Variants in PLEKHG4B observed in about 807,000 individuals in gnomAD.
PLEKHG4B encodes the protein pleckstrin homology and RhoGEF domain containing G4B.
Under a neutral mutation model 121.3 loss-of-function variants are expected in PLEKHG4B, and 111 were observed. That is an observed-to-expected ratio of 0.92 (90% CI 0.78 to 1.07). The LOEUF (loss-of-function observed/expected upper bound fraction) is 1.07. Among genes scored for constraint, PLEKHG4B ranks in the 50% least tolerant of loss-of-function variants. The pLI is 0.00. For synonymous variants in PLEKHG4B, 738 were observed against 725.0 expected (o/e 1.02, Z -0.29); for missense variants, 1,831 against 1,757.8 (o/e 1.04, Z -0.74).
chr5:105,455 A>G (rs1051233948), intron 1 of PLEKHG4B, among the ~76,000 whole-genome samples: 29 of 152,398 alleles, frequency 1.9e-4, no homozygotes, highest in Admixed American at 8.5e-4. Flanking sequence ...TGTCAGATCT[A>G]CAATTTAGAA....
In PLEKHG4B at chr5:171,065, TG is replaced by T. The variant is rs1362741001; in HGVS notation, c.3753del (p.Ile1252SerfsTer28). The T allele has an allele frequency of 1.2e-6, 2 of 1,612,796 alleles. No homozygotes were observed. Among genetic ancestry groups the T allele is most frequent in the Non-Finnish European group, 1.7e-6 (2 of 1,179,772 alleles). On this transcript the variant is annotated frameshift_variant, in exon 15 of 20. Transcript: ENST00000637938. LOFTEE classifies it high-confidence loss of function. ...CAGGAAGAGCAGTTTGGGATGTACG[TG>T]ATCTACAGCAAAAACAAGCCGCAGT... ...LRHEEQFGMYVIYSKNKPQSD... is the reference protein window; with the variant it reads ...LRHEEQFGMYXIYSKNKPQSD...
chr5:154,889 C>T lies in PLEKHG4B; in HGVS notation c.2007C>T (p.Ser669=). The T allele has an allele frequency of 6.2e-7, 1 of 1,613,856 alleles. No homozygotes were observed. The highest frequency in any genetic ancestry group is 1.7e-5 in the Admixed American group (1 of 60,020). The part of the protein sequence containing the change: ...KDAIIQCEVV[S]SLKAVHKFVD... ...CTTCTTGGCAGTGTGAGGTCGTGAG[C>T]TCCCTGAAGGCCGTGCACAAATTTG... The change falls in exon 8 of 20, where the codon AGC becomes AGT. Residue 669 remains serine (S), a synonymous_variant. Transcript: ENST00000637938.
rs1028447074 is a variant in PLEKHG4B, at chr5:154,865, T to C, written c.1993-10T>C. On this transcript the variant is annotated splice_polypyrimidine_tract_variant and intron_variant, in intron 7 of 19. Transcript: ENST00000637938. ...TGGAGCCATGACCAACGAGTGCCTC[T>C]TCTTGGCAGTGTGAGGTCGTGAGCT... The C allele has an allele frequency of 2.5e-6, 4 of 1,610,678 alleles. No individual in the cohort carries two copies. Among genetic ancestry groups the C allele is most frequent in the Non-Finnish European group, 2.5e-6 (3 of 1,177,206 alleles).
chr5:118,597 T>C (rs1023981915), intron 2 of PLEKHG4B, among the ~76,000 whole-genome samples: 1 of 152,134 alleles, frequency 6.6e-6, no homozygotes, highest in African/African-American at 2.4e-5. Context: ...TTCATGAGGG[T>C]TGGAATCAAC....
chr5:139,159 A>T lies in PLEKHG4B; in HGVS notation c.244-324A>T, dbSNP rs1038478259. Among the ~76,000 whole-genome samples, 4 of 152,032 alleles carry T rather than the reference A, an allele frequency of 2.6e-5. No individual in the cohort carries two copies. The South Asian group carries it at 8.3e-4, about 32-fold the overall frequency. ...CAGGCTGGGACCACTCTGAGGGACA[A>T]CTCATCCTTCGGAGCGCCTGGTGGG... On this transcript the variant is annotated intron_variant, in intron 2 of 19. Coordinates refer to ENST00000637938, the MANE Select transcript of PLEKHG4B (RefSeq NM_052909.5). This position sits in a 1 kb window ranked among gnomAD's most constrained non-coding sequence, Gnocchi z 5.0.
At chr5:146,180 C>T (rs1417766022) in intron 6 of PLEKHG4B, among the ~76,000 whole-genome samples, 2 of 146,228 alleles carry the variant, frequency 1.4e-5, no homozygotes, top group East Asian at 2.1e-4. Flanking sequence ...GCCCTCCCTC[C>T]TCTTCCTTTC....
Position 113,470 on chromosome 5 carries a change from C to T in PLEKHG4B, c.243+22C>T. The T allele has an allele frequency of 2.5e-6, 1 of 399,066 alleles. No individual in the cohort carries two copies. 24.7% of individuals were successfully genotyped at this position (399,066 alleles called of 1,614,324 possible). ...CTGTGTGAGTACCTCCCTTGTAGCT[C>T]TGAGACCGTGGCCAACCTGGAGGAA... On this transcript the variant is annotated intron_variant, in intron 2 of 19. Transcript: ENST00000637938. This position sits in a 1 kb window ranked among gnomAD's most constrained non-coding sequence, Gnocchi z 5.2.
chr5:143,237 C>A lies in PLEKHG4B; in HGVS notation c.1668C>A (p.Ser556=), dbSNP rs764802862. 6.2e-7 allele frequency: 1 copy of A among 1,610,326 alleles called. No individual in the cohort carries two copies. Among genetic ancestry groups the A allele is most frequent in the Non-Finnish European group, 8.5e-7 (1 of 1,179,978 alleles). Residue 556 remains serine, a synonymous_variant, in exon 4 of 20, where the codon TCC becomes TCA. Coordinates refer to ENST00000637938, the MANE Select transcript of PLEKHG4B (RefSeq NM_052909.5). ...ACGTCAGTCAGGAGCTGCTGCAGTC[C>A]GGGGTCGTCACCCTCCCAGGTGAGA... The part of the protein sequence containing the change: ...VLDVSQELLQ[S]GVVTLPGTRD...
intron 3 of PLEKHG4B, 97 bp from the exon 4 acceptor site, chr5:142,950 G>A (rs1579283137): frequency 8.4e-7 from 1 of 1,193,548 alleles, no homozygotes; most frequent in East Asian, 2.3e-5. Context: ...TTTCATGCGT[G>A]TTTTTGTCCC....
Position 181,558 on chromosome 5 carries a change from C to G in PLEKHG4B, c.4447C>G (p.Pro1483Ala), listed in dbSNP as rs142414334. The change falls in exon 19 of 20, where the codon CCA (proline) becomes GCA (alanine). Residue 1483 changes from proline to alanine, a missense_variant. Coordinates refer to ENST00000637938, the MANE Select transcript of PLEKHG4B (RefSeq NM_052909.5). ...EMASMGIGNQ[P>A]FMDVKPRDRT... is the part of the protein sequence containing the mutation. Reference sequence around the variant, plus strand: ...GGCATCCATGGGTATAGGCAACCAGCCATTCATGGATGTCAAGCCCAGAGA... The same window carrying G: ...GGCATCCATGGGTATAGGCAACCAGGCATTCATGGATGTCAAGCCCAGAGA... The G allele has an allele frequency of 4.3e-6, 7 of 1,613,992 alleles. No homozygotes were observed. Among genetic ancestry groups the G allele is most frequent in the African/African-American group, 2.7e-5 (2 of 74,934 alleles).
intron 6 of PLEKHG4B, among the ~76,000 whole-genome samples, chr5:150,498 A>G (rs985467657): frequency 2.0e-5 from 3 of 152,182 alleles, no homozygotes; most frequent in African/African-American, 7.2e-5. Context: ...AATGATGATG[A>G]TAGTGTTTCA....
At position 157,260 on chromosome 5, in the gene PLEKHG4B, C is replaced by T. The variant is rs373409697; in HGVS notation, c.2487+349C>T. 1,010 of 332,570 alleles carry T rather than the reference C, an allele frequency of 3.0e-3. 13 individuals carry two copies. Among genetic ancestry groups the T allele is most frequent in the Middle Eastern group, 0.018 (17 of 926 alleles). The allele number at this position is 332,570 out of a possible 1,614,324, so 20.6% of individuals were successfully genotyped here. A position where few individuals can be genotyped will look rare whatever the true frequency, so the allele number is the denominator to read the frequency against. On this transcript the variant is annotated intron_variant, in intron 11 of 19. Coordinates refer to ENST00000637938, the MANE Select transcript of PLEKHG4B (RefSeq NM_052909.5). This position sits in a 1 kb window ranked among gnomAD's most constrained non-coding sequence, Gnocchi z 4.6. ...CATGCGTACACAGTGACTGAGAAGCCGAGGTGAAACCGACACAGGTAGAGA... is the reference window on the plus strand; with the variant it reads ...CATGCGTACACAGTGACTGAGAAGCTGAGGTGAAACCGACACAGGTAGAGA...
At chr5:170,455 C>T (rs569035239) in intron 14 of PLEKHG4B, among the ~76,000 whole-genome samples, 1 of 152,242 alleles carries the variant, frequency 6.6e-6, no homozygotes, top group East Asian at 1.9e-4. Flanking sequence ...GGCGCCGCCA[C>T]CACGCCCGGC....
In PLEKHG4B at chr5:188,152, GC is replaced by G. The variant is rs1455020201; in HGVS notation, c.*5832del. On this transcript the variant is annotated 3_prime_UTR_variant, in exon 20 of 20. Coordinates refer to ENST00000637938, the MANE Select transcript of PLEKHG4B (RefSeq NM_052909.5). Reference sequence around the variant, plus strand: ...TGGGGCTGGCGGCGCTGGTGTGCCTGCCCTGGGCCTTCAGCAGCCCCCATAA... The same window carrying G: ...TGGGGCTGGCGGCGCTGGTGTGCCTGCCTGGGCCTTCAGCAGCCCCCATAA... 6.6e-6 allele frequency: 1 copy of G among 152,482 alleles called. No individual in the cohort carries two copies. The highest frequency in any genetic ancestry group is 1.9e-4 in the East Asian group (1 of 5,200). 9.4% of individuals were successfully genotyped at this position (152,482 alleles called of 1,614,324 possible).
chr5:140,422 A>C lies in PLEKHG4B; in HGVS notation c.1183A>C (p.Ser395Arg). The change falls in exon 3 of 20, where the codon AGT (serine) becomes CGT (arginine). Residue 395 changes from serine to arginine, a missense_variant. Transcript: ENST00000637938. ...SRDLGTGAVA[S>R]GTQEETSGPR... is the part of the protein sequence containing the mutation. Reference sequence around the variant, plus strand: ...GGACCTGGGGACTGGGGCAGTAGCCAGTGGGACCCAGGAGGAAACCTCTGG... The same window carrying C: ...GGACCTGGGGACTGGGGCAGTAGCCCGTGGGACCCAGGAGGAAACCTCTGG... 3.8e-6 allele frequency: 6 copies of C among 1,561,294 alleles called. No individual in the cohort carries two copies. Among genetic ancestry groups the C allele is most frequent in the Non-Finnish European group, 5.2e-6 (6 of 1,153,632 alleles).
rs1454957769 is a variant in PLEKHG4B, at chr5:157,882, G to A, written c.2487+971G>A. ...GCATCCCCAGCCCTCCTGTCTGCTG[G>A]CAAAGCTCCCCCGGCCTTCAGGTCC... On this transcript the variant is annotated intron_variant, in intron 11 of 19. Transcript: ENST00000637938. This position sits in a 1 kb window ranked among gnomAD's most constrained non-coding sequence, Gnocchi z 4.6. Among the ~76,000 whole-genome samples the A allele has an allele frequency of 6.6e-6, 1 of 152,170 alleles. No homozygotes were observed. The highest frequency in any genetic ancestry group is 2.4e-5 in the African/African-American group (1 of 41,432).
intron 16 of PLEKHG4B, 55 bp downstream of exon 16, chr5:171,499 G>A: frequency 2.0e-6 from 3 of 1,464,624 alleles, no homozygotes; most frequent in Non-Finnish European, 2.8e-6. Context: ...TGAGGCTGCT[G>A]GTGAGAAAGT....
chr5:167,226 T>TCC (rs1736382210), intron 13 of PLEKHG4B, among the ~76,000 whole-genome samples: 1 of 152,230 alleles, frequency 6.6e-6, no homozygotes, highest in Non-Finnish European at 1.5e-5. Context: ...GCCAGTGCTG[T>TCC]GAGGGCCAGT....
At chr5:103,748 A>G (rs1258376086) in intron 1 of PLEKHG4B, among the ~76,000 whole-genome samples, 1 of 152,234 alleles carries the variant, frequency 6.6e-6, no homozygotes, top group East Asian at 1.9e-4. Context: ...AGCTATATAC[A>G]GTAATCTATA....
Sources: allele counts gnomAD v4.1 joint callset (sites outside exome capture counted in the v4.1 genomes callset), GRCh38; gene constraint gnomAD v4.1.1; non-coding constraint Gnocchi (gnomAD v3.1); transcripts MANE v1.5; gene names NCBI Gene and HGNC (gene_info 2026-07-23, HGNC 2026-07-21).